Variants in EEF1B2 observed in about 807,000 individuals in gnomAD.
EEF1B2 encodes the protein elongation factor 1-beta.
A neutral mutation model predicts 28.3 loss-of-function variants in EEF1B2; 12 were observed. That is an observed-to-expected ratio of 0.42 (90% CI 0.27 to 0.69). The LOEUF (loss-of-function observed/expected upper bound fraction) is 0.69, where lower values mean the gene tolerates loss of function less well. EEF1B2 is among the 30% of genes least tolerant of loss of function. The pLI is 0.22. For synonymous variants in EEF1B2, 83 were observed against 99.9 expected, an observed-to-expected ratio of 0.83 and a Z score of 1.01; for missense variants, 234 against 272.6, an observed-to-expected ratio of 0.86 and a Z score of 1.00.
At chr2:206,162,403 C>T (rs761690328) in intron 4 of EEF1B2, 86 bp from the exon 5 acceptor site, 12 of 1,599,830 alleles carry the variant, frequency 7.5e-6, no homozygotes, top group Non-Finnish European at 8.5e-6. Context: ...AGTCTCAAAA[C>T]AAATTGAGAT....
rs781749004 is a variant in EEF1B2 at position 206,160,660 on chromosome 2, TG to T, written c.154del (p.Ala52ProfsTer21). On this transcript the variant is annotated frameshift_variant, in exon 2 of 6. Transcript: ENST00000392222. LOFTEE classifies it high-confidence loss of function. ...GCCCACCGCCTGCCGACTTGTGTCA[TG>T]CCCTACGTTGGTATAATCACATCAA... is the stretch of plus-strand genomic sequence containing the variant. ...SSPPPADLCH[A>X]LRWYNHIKSY... 2 of 1,614,152 alleles carry T rather than the reference TG, an allele frequency of 1.2e-6. No homozygotes were observed. The highest frequency in any genetic ancestry group is 2.7e-5 in the African/African-American group (2 of 75,050).
Position 206,162,927 on chromosome 2 carries a change from T to G in EEF1B2, c.*44T>G. The G allele has an allele frequency of 6.3e-7, 1 of 1,577,524 alleles. No homozygotes were observed. Among genetic ancestry groups the G allele is most frequent in the Non-Finnish European group, 8.5e-7 (1 of 1,170,240 alleles). On this transcript the variant is annotated 3_prime_UTR_variant, in exon 6 of 6. Coordinates refer to ENST00000392222, the MANE Select transcript of EEF1B2 (RefSeq NM_001959.4). Reference sequence around the variant, plus strand: ...GCATTTAAATAAAAGATTGAAAGATTACCTTTGGCTCTTGAGTATGTTACA... The same window carrying G: ...GCATTTAAATAAAAGATTGAAAGATGACCTTTGGCTCTTGAGTATGTTACA...
At position 206,162,234 on chromosome 2, in the gene EEF1B2, A is replaced by G. The variant is rs368216880; in HGVS notation, c.397+130A>G. 9 of 1,109,704 alleles carry G rather than the reference A, an allele frequency of 8.1e-6. No homozygotes were observed. In the African/African-American group the frequency reaches 1.2e-4, roughly 15 times the overall value. The allele number at this position is 1,109,704 out of a possible 1,614,324, so 68.7% of individuals were successfully genotyped here. A position where few individuals can be genotyped will look rare whatever the true frequency, so the allele number is the denominator to read the frequency against. ...TTAAAACCTGTACAGGTTCTTCCAC[A>G]GCTACTGGTCTGCAGCTGTTCTTAT... On this transcript the variant is annotated intron_variant, in intron 4 of 5. Coordinates refer to ENST00000392222, the MANE Select transcript of EEF1B2 (RefSeq NM_001959.4).
At chr2:206,162,347 G>A (rs758644125) in intron 4 of EEF1B2, 142 bp from the exon 5 acceptor site, 11 of 1,377,058 alleles carry the variant, frequency 8.0e-6, no homozygotes, top group South Asian at 1.2e-5. Flanking sequence ...GTATATATGT[G>A]TGACAGACAC....
At chr2:206,161,768 C>CAAAA (rs34708881) in intron 3 of EEF1B2, 107 of 462,724 alleles carry the variant, frequency 2.3e-4, no homozygotes, top group Admixed American at 3.5e-4. Flanking sequence ...GACTCCGTCC[C>CAAAA]AAAAAAAAAA....
rs764638730 is a variant in EEF1B2 at position 206,160,861 on chromosome 2, A to T, written c.203+151A>T. 2.0e-5 allele frequency: 24 copies of T among 1,181,690 alleles called. No homozygotes were observed. The South Asian group carries it at 3.1e-4, about 15-fold the overall frequency. The allele number at this position is 1,181,690 out of a possible 1,614,324, so 73.2% of individuals were successfully genotyped here. A position where few individuals can be genotyped will look rare whatever the true frequency, so the allele number is the denominator to read the frequency against. ...GTAACCTTAGAAGGCCAAGAGACTG[A>T]AGCCCTCCATTTTTTCACAGAACAG... On this transcript the variant is annotated intron_variant, in intron 2 of 5. Coordinates refer to ENST00000392222, the MANE Select transcript of EEF1B2 (RefSeq NM_001959.4).
chr2:206,160,204 C>A (rs948331545), intron 1 of EEF1B2, 145 bp downstream of exon 1: 2 of 1,124,640 alleles, frequency 1.8e-6, no homozygotes, highest in Non-Finnish European at 2.5e-6. Context: ...GCCCCGTTGC[C>A]GTCTCCCAAG....
Position 206,162,860 on chromosome 2 carries a change from G to T in EEF1B2, c.655G>T (p.Val219Leu), listed in dbSNP as rs1179930752. The change falls in exon 6 of 6, where the codon GTG becomes TTG. Residue 219 changes from valine to leucine, a missense_variant. Coordinates refer to ENST00000392222, the MANE Select transcript of EEF1B2 (RefSeq NM_001959.4). ...AFEDYVQSMDVAAFNKI is the reference protein window; with the variant it reads ...AFEDYVQSMDLAAFNKI ...TGAGGACTATGTGCAGTCCATGGAT[G>T]TGGCTGCTTTCAACAAGATCTAAAA... The T allele has an allele frequency of 6.3e-7, 1 of 1,595,114 alleles. No homozygotes were observed. Among genetic ancestry groups the T allele is most frequent in the Non-Finnish European group, 8.5e-7 (1 of 1,178,256 alleles).
chr2:206,160,541 C>T (rs1687888690), intron 1 of EEF1B2, 47 bp from the exon 2 acceptor site: 4 of 1,612,836 alleles, frequency 2.5e-6, no homozygotes, highest in East Asian at 4.5e-5. Context: ...TATTCGCTGG[C>T]GTTTGTTTTT....
chr2:206,161,285 T>A, intron 2 of EEF1B2, 61 bp from the exon 3 acceptor site: 32 of 1,598,996 alleles, frequency 2.0e-5, no homozygotes, highest in Non-Finnish European at 2.7e-5. Flanking sequence ...AGTTATTTTG[T>A]ATTTTCTGGA....
chr2:206,162,618 AGTTTAG>A lies in EEF1B2; in HGVS notation c.523+6_523+11del. The stretch of plus-strand genomic sequence containing the variant: ...GACGGCTTAGTCTGGGGCTCATGTG[AGTTTAG>A]GCTTTGCCTTTTTTTTTTTGAAACT... On this transcript the variant is annotated splice_donor_5th_base_variant and intron_variant, in intron 5 of 5. Coordinates refer to ENST00000392222, the MANE Select transcript of EEF1B2 (RefSeq NM_001959.4). 1 of 1,602,130 alleles carries A rather than the reference AGTTTAG, an allele frequency of 6.2e-7. No homozygotes were observed. Among genetic ancestry groups the A allele is most frequent in the South Asian group, 1.1e-5 (1 of 87,812 alleles).
chr2:206,160,303 A>T (rs1687875852), intron 1 of EEF1B2, among the ~76,000 whole-genome samples: 1 of 152,222 alleles, frequency 6.6e-6, no homozygotes, highest in Admixed American at 6.5e-5. Context: ...TAATTCAGCC[A>T]GGTGTTTCCG....
At chr2:206,160,822 A>G (rs1295252284) in intron 2 of EEF1B2, 112 bp downstream of exon 2, 1 of 1,554,888 alleles carries the variant, frequency 6.4e-7, no homozygotes, top group African/African-American at 1.4e-5. Context: ...GGATATTGTA[A>G]GCTAAATTTT....
intron 3 of EEF1B2, 26 bp downstream of exon 3, chr2:206,161,498 A>G (rs1194190297): frequency 1.2e-6 from 2 of 1,611,980 alleles, no homozygotes; most frequent in Non-Finnish European, 1.7e-6. Context: ...TAAAGAACAT[A>G]TCGGCCAGGC....
chr2:206,160,452 TAAG>T, intron 1 of EEF1B2, 133 bp from the exon 2 acceptor site: 7 of 1,463,870 alleles, frequency 4.8e-6, no homozygotes, highest in South Asian at 1.3e-5. Context: ...AAGGAGCTAA[TAAG>T]AAAAGAAAAG....
At chr2:206,160,232 G>C (rs2105783963) in intron 1 of EEF1B2, among the ~76,000 whole-genome samples, 173 bp downstream of exon 1, 1 of 152,338 alleles carries the variant, frequency 6.6e-6, no homozygotes, top group South Asian at 2.1e-4. Flanking sequence ...TGTGGGGCGA[G>C]CCCGGCCTCC....
intron 2 of EEF1B2, 98 bp downstream of exon 2, chr2:206,160,808 G>C: frequency 6.3e-7 from 1 of 1,592,582 alleles, no homozygotes; most frequent in Non-Finnish European, 8.6e-7. Flanking sequence ...CTTTAGTTTT[G>C]TTGGGATATT....
At chr2:206,160,134 C>G (rs1324351507) in intron 1 of EEF1B2, 75 bp downstream of exon 1, 5 of 1,542,256 alleles carry the variant, frequency 3.2e-6, no homozygotes, top group South Asian at 2.3e-5. Flanking sequence ...CGCAGCGTGT[C>G]GGCTGCCGCG....
rs372257017 is a variant in EEF1B2, at chr2:206,160,571, T to C, written c.81-17T>C. ...GTTTTTCAAAGGTGTGTGTGAATGT[T>C]TCTGTGTCCTTGGCAGGTATGTGCC... is the stretch of plus-strand genomic sequence containing the variant. On this transcript the variant is annotated splice_polypyrimidine_tract_variant and intron_variant, in intron 1 of 5. Coordinates refer to ENST00000392222, the MANE Select transcript of EEF1B2 (RefSeq NM_001959.4). 1.2e-5 allele frequency: 20 copies of C among 1,613,896 alleles called. No individual in the cohort carries two copies. The African/African-American group carries it at 1.7e-4, about 14-fold the overall frequency.
Sources: gnomAD v4.1 joint callset for allele counts (sites outside exome capture counted in the v4.1 genomes callset) on GRCh38, gnomAD v4.1.1 for gene constraint, MANE v1.5 for transcripts, NCBI Gene and HGNC (gene_info 2026-07-23, HGNC 2026-07-21) for gene names.